TASOR: variants seen among roughly 807,000 people sequenced by gnomAD.
The protein encoded by TASOR is transcription activation suppressor, also known as protein TASOR.
TASOR carries 53 observed loss-of-function variants against 178.6 expected under a neutral mutation model. That is an observed-to-expected ratio of 0.30 (90% CI 0.24 to 0.37). The LOEUF (loss-of-function observed/expected upper bound fraction) is 0.37, where lower values mean the gene tolerates loss of function less well. Ranked by LOEUF, TASOR falls within the 10% of genes least tolerant of loss-of-function variation. TASOR has a pLI of 1.00. For synonymous variants in TASOR, 713 were observed against 696.2 expected (o/e 1.02, Z -0.38); for missense variants, 1,815 against 1,971.4 (o/e 0.92, Z 1.50).
In TASOR at chr3:56,682,960, C is replaced by T. The variant is rs1357608709; in HGVS notation, c.47G>A (p.Ser16Asn). 1 of 1,549,562 alleles carries T rather than the reference C, an allele frequency of 6.5e-7. No homozygotes were observed. The highest frequency in any genetic ancestry group is 1.2e-5 in the South Asian group (1 of 84,028). ...ETEACQPTDA[S>N]WESGGGGDDE... ...GTCTCCGCCGCCGCCACTTTCCCAACTCGCATCCGTCGGCTGACAGGCCTC... is the reference window on the plus strand; with the variant it reads ...GTCTCCGCCGCCGCCACTTTCCCAATTCGCATCCGTCGGCTGACAGGCCTC... Residue 16 changes from serine (S) to asparagine (N), a missense_variant, in exon 1 of 24, where the codon AGT (serine) becomes AAT (asparagine). This residue lies in a region of TASOR where 244 missense variants were observed against 202.7 expected (regional missense o/e 1.20). Transcript: ENST00000683822.
intron 2 of TASOR, 63 bp downstream of exon 2, chr3:56,673,517 T>C (rs2030962264): frequency 3.0e-6 from 4 of 1,318,838 alleles, no homozygotes; most frequent in Non-Finnish European, 4.0e-6. Flanking sequence ...AGAGAACATT[T>C]TTTTCCCAGG....
intron 17 of TASOR, 57 bp downstream of exon 17, chr3:56,638,649 A>C: frequency 6.4e-7 from 1 of 1,567,182 alleles, no homozygotes; most frequent in Non-Finnish European, 8.8e-7. Context: ...TCAGAAATGC[A>C]AGTAGCAACT....
In TASOR at chr3:56,621,531, G is replaced by A. The variant is rs4527349; in HGVS notation, c.*1506C>T. On this transcript the variant is annotated 3_prime_UTR_variant, in exon 24 of 24. Transcript: ENST00000683822. ...ACAAACATATATCAATGTGATTTCA[G>A]GGCCTTCTCCAGAAGCAAAAGGAGT... The A allele has an allele frequency of 5.1e-6, 8 of 1,581,266 alleles. No homozygotes were observed. The highest frequency in any genetic ancestry group is 6.9e-6 in the Non-Finnish European group (8 of 1,164,142).
chr3:56,644,799 T>C lies in TASOR; in HGVS notation c.2215+1723A>G, dbSNP rs112762541. 5.3e-3 allele frequency among the ~76,000 whole-genome samples: 814 copies of C among 152,320 alleles called. 8 individuals are homozygous for C. Among genetic ancestry groups the C allele is most frequent in the African/African-American group, 0.018 (765 of 41,576 alleles). ...AGGTTAACTAAAGAAAAAATCATTA[T>C]AGTTACTGCAAAGAAAAGTAATGTC... On this transcript the variant is annotated intron_variant, in intron 14 of 23. Transcript: ENST00000683822.
At position 56,677,513 on chromosome 3, in the gene TASOR, A is replaced by T. The variant is rs934748584; in HGVS notation, c.332-3788T>A. ...ACAAGTAGCCTTTTGAGTTGGCCCA[A>T]GGTTACAGGGTTAATGAATGAATCA... On this transcript the variant is annotated intron_variant, in intron 1 of 23. Coordinates refer to ENST00000683822, the MANE Select transcript of TASOR (RefSeq NM_001365635.2). 2.0e-5 allele frequency among the ~76,000 whole-genome samples: 3 copies of T among 152,232 alleles called. No homozygotes were observed. The East Asian group carries it at 5.8e-4, about 29-fold the overall frequency.
rs118035089 is a variant in TASOR, at chr3:56,652,221, T to C, written c.1369-3164A>G. On this transcript the variant is annotated intron_variant, in intron 11 of 23. Transcript: ENST00000683822. The stretch of plus-strand genomic sequence containing the variant: ...GAGATGAAAATGTTCGGGAATTAGA[T>C]AGTGTTGATGTTGCACAACAGTGTG... Among the ~76,000 whole-genome samples, 351 of 152,250 alleles carry C rather than the reference T, an allele frequency of 2.3e-3. 8 individuals are homozygous for C. The East Asian group carries it at 0.057, about 25-fold the overall frequency.
Position 56,623,107 on chromosome 3 carries a change from C to G in TASOR, c.4943G>C (p.Arg1648Thr). Residue 1648 changes from arginine to threonine, a missense_variant, in exon 24 of 24, where the codon AGA (arginine) becomes ACA (threonine). Around this residue, in one of 5 missense-constraint regions of TASOR, gnomAD observed 278 missense variants for 257.1 expected, o/e 1.08. Coordinates refer to ENST00000683822, the MANE Select transcript of TASOR (RefSeq NM_001365635.2). ...FLSAYTESLD[R>T]DKSPPPLSWG... ...ACTTAAGGGAGGTGGAGATTTATCT[C>G]TATCCAAGCTTTCAGTATAAGCAGA... The G allele has an allele frequency of 1.2e-6, 2 of 1,612,536 alleles. No homozygotes were observed. The highest frequency in any genetic ancestry group is 1.7e-6 in the Non-Finnish European group (2 of 1,179,372).
intron 23 of TASOR, chr3:56,623,835 A>G: frequency 6.4e-7 from 1 of 1,550,852 alleles, no homozygotes; most frequent in Non-Finnish European, 8.7e-7. Flanking sequence ...GTTAATGTCA[A>G]AACAGCATCT....
intron 1 of TASOR, among the ~76,000 whole-genome samples, chr3:56,679,697 C>T (rs547870362): frequency 2.0e-4 from 31 of 152,264 alleles, no homozygotes; most frequent in Non-Finnish European, 3.8e-4. Flanking sequence ...AGTGAATCAT[C>T]GCTACTCCAT....
At chr3:56,627,549 A>G in intron 20 of TASOR, 33 bp downstream of exon 20, 1 of 1,609,134 alleles carries the variant, frequency 6.2e-7, no homozygotes, top group Non-Finnish European at 8.5e-7. Context: ...GAGTCAGAAG[A>G]GGAGTTACGT....
At chr3:56,673,027 T>A (rs1047540657) in intron 2 of TASOR, among the ~76,000 whole-genome samples, 1 of 151,788 alleles carries the variant, frequency 6.6e-6, no homozygotes, top group African/African-American at 2.4e-5. Context: ...GCCAGGCTGG[T>A]CTCAAACCCC....
chr3:56,621,648 T>G lies in TASOR; in HGVS notation c.*1389A>C, dbSNP rs1397148412. ...AGAAAATCAAATCCTTCACATTTGA[T>G]TTGTGTCTTCCAAATTATAAAATGT... On this transcript the variant is annotated 3_prime_UTR_variant, in exon 24 of 24. Coordinates refer to ENST00000683822, the MANE Select transcript of TASOR (RefSeq NM_001365635.2). The G allele has an allele frequency of 1.4e-6, 2 of 1,463,628 alleles. No homozygotes were observed. Among genetic ancestry groups the G allele is most frequent in the East Asian group, 4.6e-5 (2 of 43,924 alleles). 90.7% of individuals were successfully genotyped at this position (1,463,628 alleles called of 1,614,324 possible).
chr3:56,655,303 G>GTA (rs2077446786), intron 11 of TASOR, among the ~76,000 whole-genome samples: 1 of 152,102 alleles, frequency 6.6e-6, no homozygotes, highest in Non-Finnish European at 1.5e-5. Flanking sequence ...AAAAGAAGTA[G>GTA]TATATAGTAG....
chr3:56,668,352 A>G (rs2030283201), intron 6 of TASOR, 45 bp downstream of exon 6: 1 of 1,530,436 alleles, frequency 6.5e-7, no homozygotes, highest in Non-Finnish European at 8.8e-7. Context: ...ATTTGGTAAC[A>G]AACAGGTATG....
chr3:56,632,734 G>A (rs2076942001), intron 18 of TASOR, among the ~76,000 whole-genome samples: 1 of 151,970 alleles, frequency 6.6e-6, no homozygotes, highest in Admixed American at 6.6e-5. Context: ...TTGAATGCCT[G>A]GGCTCAAGTG....
chr3:56,652,508 C>T (rs978726085), intron 11 of TASOR, among the ~76,000 whole-genome samples: 1 of 150,244 alleles, frequency 6.7e-6, no homozygotes, highest in Non-Finnish European at 1.5e-5. Context: ...GAGCCAGGAT[C>T]ACACCACTGC....
rs576846588 is a variant in TASOR, at chr3:56,643,555, G to A, written c.2216-1803C>T. ...AGGCGGGCGGATCACAAGGTCAGGA[G>A]ATCGAGACCATCCTGGCTAACACGG... is the stretch of plus-strand genomic sequence containing the variant. On this transcript the variant is annotated intron_variant, in intron 14 of 23. Coordinates refer to ENST00000683822, the MANE Select transcript of TASOR (RefSeq NM_001365635.2). 8.5e-5 allele frequency among the ~76,000 whole-genome samples: 13 copies of A among 152,218 alleles called. No individual in the cohort carries two copies. In the East Asian group the frequency reaches 2.5e-3, roughly 29 times the overall value.
chr3:56,639,782 C>T (rs2077086280), intron 16 of TASOR, among the ~76,000 whole-genome samples: 3 of 152,162 alleles, frequency 2.0e-5, no homozygotes, highest in Admixed American at 2.0e-4. Context: ...GGTGATTTTG[C>T]AGGTGCTTGC....
intron 17 of TASOR, 73 bp from the exon 18 acceptor site, chr3:56,634,039 G>A: frequency 8.0e-7 from 1 of 1,254,794 alleles, no homozygotes; most frequent in South Asian, 1.6e-5. Context: ...CCCTTAAATT[G>A]GGGGAAAAAA....
Sources: allele counts gnomAD v4.1 joint callset (sites outside exome capture counted in the v4.1 genomes callset), GRCh38; gene constraint gnomAD v4.1.1; regional missense constraint gnomAD v4.1.1; transcripts MANE v1.5; gene names NCBI Gene and HGNC (gene_info 2026-07-23, HGNC 2026-07-21).